The following KCTD14 variants were observed in gnomAD, a reference collection of about 807,000 sequenced individuals.
KCTD14 encodes potassium channel tetramerization domain containing 14, also known as BTB/POZ domain-containing protein KCTD14.
In KCTD14, 7 loss-of-function variants were observed where a neutral mutation model predicts 5.9. The ratio of observed to expected loss-of-function variants is 1.19; its 90% CI spans 0.68 to 2.23. KCTD14 has a LOEUF of 2.23. Among genes scored for constraint, KCTD14 ranks in the 30% most tolerant of loss-of-function variants. KCTD14 has a pLI of 0.00. For synonymous variants in KCTD14, 140 were observed against 133.1 expected (o/e 1.05, Z -0.36); for missense variants, 342 against 332.2 (o/e 1.03, Z -0.23).
intron 1 of KCTD14, among the ~76,000 whole-genome samples, chr11:78,044,358 A>G (rs1246359053): frequency 6.6e-6 from 1 of 152,044 alleles, no homozygotes; most frequent in Non-Finnish European, 1.5e-5. Flanking sequence ...CCGCAGAAAA[A>G]TCTTCCTGAA....
At chr11:78,018,435 G>A (rs61201973) in intron 1 of KCTD14, among the ~76,000 whole-genome samples, 5,301 of 152,038 alleles carry the variant, frequency 0.035, 313 homozygotes, top group African/African-American at 0.12. Flanking sequence ...GGCCGGGCAT[G>A]GTGCCTCACG....
intron 1 of KCTD14, among the ~76,000 whole-genome samples, chr11:78,040,110 G>T (rs563367443): frequency 6.6e-6 from 1 of 152,292 alleles, no homozygotes; most frequent in African/African-American, 2.4e-5. Context: ...TTCAGAGTCT[G>T]ACCTCCAACA....
At chr11:78,034,572 G>A (rs926996909) in intron 2 of KCTD14, among the ~76,000 whole-genome samples, 1 of 151,806 alleles carries the variant, frequency 6.6e-6, no homozygotes, top group African/African-American at 2.4e-5. Context: ...AGGACAGATT[G>A]TGCGACCTGG....
At chr11:78,032,872 G>A (rs1485742627) in intron 2 of KCTD14, among the ~76,000 whole-genome samples, 1 of 151,846 alleles carries the variant, frequency 6.6e-6, no homozygotes, top group Non-Finnish European at 1.5e-5. Context: ...ATAGAGCTGG[G>A]GGTCTCACTA....
At chr11:78,027,188 C>T (rs1312845178), upstream of KCTD14, among the ~76,000 whole-genome samples, 2 of 152,076 alleles carry the variant, frequency 1.3e-5, no homozygotes, top group Non-Finnish European at 2.9e-5. Flanking sequence ...TCCGAAAAGA[C>T]TGGACAGCTG....
At chr11:78,040,108 C>T (rs918245147) in intron 1 of KCTD14, among the ~76,000 whole-genome samples, 1 of 152,216 alleles carries the variant, frequency 6.6e-6, no homozygotes, top group African/African-American at 2.4e-5. Context: ...TGTTCAGAGT[C>T]TGACCTCCAA....
intron 2 of KCTD14, among the ~76,000 whole-genome samples, chr11:78,038,409 G>T (rs750196025): frequency 9.2e-5 from 14 of 152,202 alleles, no homozygotes; most frequent in African/African-American, 3.1e-4. Context: ...CCAGGACCAC[G>T]TGCAAACAAT....
chr11:78,032,286 C>T (rs187896266), intron 2 of KCTD14, among the ~76,000 whole-genome samples: 47 of 152,358 alleles, frequency 3.1e-4, no homozygotes, highest in Admixed American at 1.0e-3. Flanking sequence ...TCAGTTTCAG[C>T]CTTGACTGGA....
chr11:78,022,478 G>A (rs901655150), intron 1 of KCTD14, among the ~76,000 whole-genome samples: 4 of 152,156 alleles, frequency 2.6e-5, no homozygotes, highest in Non-Finnish European at 4.4e-5. Context: ...CAACAATGAC[G>A]TGATCATGGC....
chr11:78,025,124 A>G (rs1210214426), upstream of KCTD14, among the ~76,000 whole-genome samples: 74 of 51,506 alleles, frequency 1.4e-3, no homozygotes, highest in African/African-American at 3.6e-3. Flanking sequence ...GTGTGTATAT[A>G]TATATATATA....
At chr11:78,038,569 G>T in intron 2 of KCTD14, 2 of 1,419,240 alleles carry the variant, frequency 1.4e-6, no homozygotes, top group Non-Finnish European at 1.9e-6. Flanking sequence ...CAGCCCAAGT[G>T]CGTAGGCCCC....
chr11:78,017,307 T>C, intron 1 of KCTD14, 37 bp from the exon 2 acceptor site: 1 of 1,543,202 alleles, frequency 6.5e-7, no homozygotes, highest in Non-Finnish European at 8.8e-7. Flanking sequence ...CAACACGCCA[T>C]CTCCCCTGAG....
chr11:78,036,137 TGACAGAA>T (rs1463507484), intron 2 of KCTD14, among the ~76,000 whole-genome samples: 6 of 152,168 alleles, frequency 3.9e-5, no homozygotes, highest in Non-Finnish European at 7.4e-5. Flanking sequence ...CCAGCCTGCA[TGACAGAA>T]TGAGACTGTC....
Position 78,029,318 on chromosome 11 carries a change from G to C in KCTD14, c.-1+9346C>G, listed in dbSNP as rs148998600. Among the ~76,000 whole-genome samples the C allele has an allele frequency of 5.6e-4, 85 of 152,204 alleles. No individual in the cohort carries two copies. In the East Asian group the frequency reaches 0.013, roughly 24 times the overall value. ...CACCTGCTAAGATTTGGGTGCATGG[G>C]GCTTGGCTTTGGTTAGCTCCCTTGG... is the stretch of plus-strand genomic sequence containing the variant. On this transcript the variant is annotated intron_variant, in intron 2 of 2. Coordinates refer to the KCTD14 transcript ENST00000533144.
chr11:78,029,399 T>C (rs578232873), intron 2 of KCTD14, among the ~76,000 whole-genome samples: 1 of 152,266 alleles, frequency 6.6e-6, no homozygotes, highest in African/African-American at 2.4e-5. Flanking sequence ...TTTACTGCTG[T>C]CACCTGACAG....
At chr11:78,030,760 C>T (rs907333745) in intron 2 of KCTD14, among the ~76,000 whole-genome samples, 2 of 152,148 alleles carry the variant, frequency 1.3e-5, no homozygotes, top group Non-Finnish European at 2.9e-5. Context: ...TGGCAGAGTG[C>T]CCAGCCTAGC....
At position 78,016,960 on chromosome 11, in the gene KCTD14, G is replaced by A. The variant is rs570013567; in HGVS notation, c.401C>T (p.Ser134Phe). 6.2e-7 allele frequency: 1 copy of A among 1,614,088 alleles called. No individual in the cohort carries two copies. The highest frequency in any genetic ancestry group is 8.5e-7 in the Non-Finnish European group (1 of 1,180,040). ...CACTTGCAGCAAAAACTGCTTCCGA[G>A]ACACCTGCTCACCAAAGATCTGTGG... ...DMPQIFGEQV[S>F]RKQFLLQVPG... Residue 134 changes from serine to phenylalanine, a missense_variant, in exon 2 of 2, where the codon TCT becomes TTT. Transcript: ENST00000353172.
At chr11:78,031,466 C>A (rs1352891749) in intron 2 of KCTD14, among the ~76,000 whole-genome samples, 1 of 151,286 alleles carries the variant, frequency 6.6e-6, no homozygotes, top group Non-Finnish European at 1.5e-5. Flanking sequence ...GCAACCTCCG[C>A]CTCCAGAGTT....
At chr11:78,038,145 G>A (rs1322846785) in intron 2 of KCTD14, among the ~76,000 whole-genome samples, 1 of 152,056 alleles carries the variant, frequency 6.6e-6, no homozygotes, top group Non-Finnish European at 1.5e-5. Flanking sequence ...GTTTCTGACT[G>A]AAAATTGGCC....
Sources: allele counts gnomAD v4.1 joint callset (sites outside exome capture counted in the v4.1 genomes callset), GRCh38; gene constraint gnomAD v4.1.1; transcripts MANE v1.5; gene names NCBI Gene and HGNC (gene_info 2026-07-23, HGNC 2026-07-21).